DNM3: variants seen among roughly 807,000 people sequenced by gnomAD.
The protein encoded by DNM3 is dynamin 3, also known as dynamin-3.
In DNM3, 47 loss-of-function variants were observed where a neutral mutation model predicts 101.6. That is an observed-to-expected ratio of 0.46 (90% CI 0.37 to 0.59). The LOEUF (loss-of-function observed/expected upper bound fraction) is 0.59. DNM3 is among the 20% of genes least tolerant of loss of function. DNM3 has a pLI of 0.00. For missense variants in DNM3, 849 were observed against 1,085.7 expected, an observed-to-expected ratio of 0.78 and a Z score of 3.06; for synonymous variants, 385 against 387.9, an observed-to-expected ratio of 0.99 and a Z score of 0.09.
intron 14 of DNM3, among the ~76,000 whole-genome samples, chr1:172,171,867 GTCTT>G (rs1385782617): frequency 6.6e-6 from 1 of 151,686 alleles, no homozygotes; most frequent in Non-Finnish European, 1.5e-5. Context: ...TAGTTATTGA[GTCTT>G]TATTCTCTTC....
chr1:171,921,841 A>ACC lies in DNM3; in HGVS notation c.235+21_235+22dup. 2 of 1,583,286 alleles carry ACC rather than the reference A, an allele frequency of 1.3e-6. No individual in the cohort carries two copies. Among genetic ancestry groups the ACC allele is most frequent in the Non-Finnish European group, 1.7e-6 (2 of 1,162,680 alleles). ...AAGCAGGTAATGAATGAAGATGTTTACCGCATGGATGGGCACATCCTGTGG... is the reference window on the plus strand; with the variant it reads ...AAGCAGGTAATGAATGAAGATGTTTACCCCGCATGGATGGGCACATCCTGTGG... On this transcript the variant is annotated intron_variant, in intron 2 of 20. Coordinates refer to ENST00000627582, the MANE Select transcript of DNM3 (RefSeq NM_015569.5).
intron 4 of DNM3, among the ~76,000 whole-genome samples, chr1:172,006,701 A>G (rs1572052194): frequency 6.6e-6 from 1 of 151,998 alleles, no homozygotes; most frequent in Non-Finnish European, 1.5e-5. Context: ...GTGGGGAAGT[A>G]TGCATTCTAA....
At chr1:172,180,219 G>T (rs375349167) in intron 14 of DNM3, among the ~76,000 whole-genome samples, 4 of 151,960 alleles carry the variant, frequency 2.6e-5, no homozygotes, top group African/African-American at 7.2e-5. Flanking sequence ...TATGTATTTC[G>T]GTTTTTCAAT....
intron 1 of DNM3, among the ~76,000 whole-genome samples, chr1:171,844,399 C>T (rs561774766): frequency 6.6e-6 from 1 of 152,306 alleles, no homozygotes; most frequent in East Asian, 1.9e-4. Flanking sequence ...TGTGTTTGCT[C>T]TTGACTCAAG....
At chr1:172,320,864 A>G (rs2148908216) in intron 16 of DNM3, among the ~76,000 whole-genome samples, 1 of 152,328 alleles carries the variant, frequency 6.6e-6, no homozygotes, top group East Asian at 1.9e-4. Context: ...GTCTGAAACA[A>G]TGTCCTGGAA....
chr1:172,388,065 C>A (rs1377086663), intron 19 of DNM3, among the ~76,000 whole-genome samples: 1 of 151,968 alleles, frequency 6.6e-6, no homozygotes, highest in African/African-American at 2.4e-5. Context: ...GAAACCCTGT[C>A]CCTACTAAAA....
chr1:172,260,682 A>G lies in DNM3; in HGVS notation c.1769+7000A>G, dbSNP rs112571690. The stretch of plus-strand genomic sequence containing the variant: ...CAAAATTTCTGCTTTTTAAAAAATT[A>G]TATCTCTTTGATAAATTTCTCATTC... On this transcript the variant is annotated intron_variant, in intron 15 of 20. Transcript: ENST00000627582. Among the ~76,000 whole-genome samples, 867 of 152,230 alleles carry G rather than the reference A, an allele frequency of 5.7e-3. 7 individuals are homozygous for G. Among genetic ancestry groups the G allele is most frequent in the African/African-American group, 0.02 (832 of 41,556 alleles).
chr1:172,094,116 T>G (rs1461225728), intron 13 of DNM3, among the ~76,000 whole-genome samples: 2 of 152,220 alleles, frequency 1.3e-5, no homozygotes, highest in Non-Finnish European at 2.9e-5. Flanking sequence ...TATGGTAATA[T>G]TTCCAATAAA....
At chr1:171,895,875 G>A (rs2037743630) in intron 1 of DNM3, among the ~76,000 whole-genome samples, 1 of 152,120 alleles carries the variant, frequency 6.6e-6, no homozygotes, top group Non-Finnish European at 1.5e-5. Flanking sequence ...AGTTTTCCCA[G>A]CACCATTTAT....
At chr1:172,247,033 C>CA (rs1187160618) in intron 14 of DNM3, among the ~76,000 whole-genome samples, 4 of 152,080 alleles carry the variant, frequency 2.6e-5, no homozygotes, top group Non-Finnish European at 5.9e-5. Context: ...CAGTATTCTG[C>CA]AAAAACATTT....
chr1:172,338,066 G>A (rs1051814391), intron 17 of DNM3, among the ~76,000 whole-genome samples: 4 of 151,546 alleles, frequency 2.6e-5, no homozygotes, highest in African/African-American at 7.3e-5. Context: ...ACAGGCGCCC[G>A]CCACCAAGCC....
In DNM3 at chr1:172,407,873, A is replaced by C; in HGVS notation, c.*32A>C. 6.2e-7 allele frequency: 1 copy of C among 1,612,700 alleles called. No homozygotes were observed. On this transcript the variant is annotated 3_prime_UTR_variant, in exon 21 of 21. Coordinates refer to ENST00000627582, the MANE Select transcript of DNM3 (RefSeq NM_015569.5). ...TGTCTGGCATGGCAATTAATCACTA[A>C]TGAATTATGCGAAAGCAACATATTT...
chr1:172,120,536 A>C (rs963981848), intron 13 of DNM3, among the ~76,000 whole-genome samples: 3 of 152,198 alleles, frequency 2.0e-5, no homozygotes, highest in African/African-American at 7.2e-5. Context: ...CATAAATTAC[A>C]TGACTAAGTG....
chr1:171,847,513 AG>A (rs2032305075), intron 1 of DNM3, among the ~76,000 whole-genome samples: 1 of 146,080 alleles, frequency 6.8e-6, no homozygotes, highest in African/African-American at 2.6e-5. Flanking sequence ...TATATTGGAG[AG>A]GGCCCTAGAG....
chr1:172,199,259 T>G (rs1205975517), intron 14 of DNM3, among the ~76,000 whole-genome samples: 3 of 152,082 alleles, frequency 2.0e-5, no homozygotes, highest in Admixed American at 2.0e-4. Flanking sequence ...TTTATTGTAG[T>G]GTGGTTCAAG....
In DNM3 at chr1:172,174,940, G is replaced by T. The variant is rs111993102; in HGVS notation, c.1659+43652G>T. On this transcript the variant is annotated intron_variant, in intron 14 of 20. Transcript: ENST00000627582. Reference sequence around the variant, plus strand: ...TTATATCTTTCAAGAACAGAAAGTCGAATAGTGGGATCAGCATCAAGTTGT... The same window carrying T: ...TTATATCTTTCAAGAACAGAAAGTCTAATAGTGGGATCAGCATCAAGTTGT... Among the ~76,000 whole-genome samples, 3 of 151,606 alleles carry T rather than the reference G, an allele frequency of 2.0e-5. No individual in the cohort carries two copies. The East Asian group carries it at 5.8e-4, about 29-fold the overall frequency.
At chr1:172,018,121 A>G (rs946465715) in intron 4 of DNM3, among the ~76,000 whole-genome samples, 2 of 152,120 alleles carry the variant, frequency 1.3e-5, no homozygotes, top group Non-Finnish European at 2.9e-5. Context: ...TAGATAATAT[A>G]TAGTTGTATC....
chr1:172,031,662 A>C (rs2048620360), intron 4 of DNM3, among the ~76,000 whole-genome samples: 1 of 152,202 alleles, frequency 6.6e-6, no homozygotes, highest in African/African-American at 2.4e-5. Context: ...GACGTGCTAC[A>C]CAAAATGTCT....
chr1:172,367,601 C>T (rs771180323), intron 17 of DNM3, among the ~76,000 whole-genome samples: 10 of 151,794 alleles, frequency 6.6e-5, no homozygotes, highest in Non-Finnish European at 2.9e-5. Flanking sequence ...CAATAATAAC[C>T]TTGAATATGA....
Sources: allele counts gnomAD v4.1 joint callset (sites outside exome capture counted in the v4.1 genomes callset), GRCh38; gene constraint gnomAD v4.1.1; transcripts MANE v1.5; gene names NCBI Gene and HGNC (gene_info 2026-07-23, HGNC 2026-07-21).